TMEM132C: variants seen among roughly 807,000 people sequenced by gnomAD.
The protein encoded by TMEM132C is protein phosphatase 1, regulatory subunit 152.
TMEM132C carries 29 observed loss-of-function variants against 61.4 expected under a neutral mutation model. That is an observed-to-expected ratio of 0.47 (90% confidence interval 0.35 to 0.64). The LOEUF (loss-of-function observed/expected upper bound fraction) is 0.64, where lower values mean the gene tolerates loss of function less well. TMEM132C is among the 30% of genes least tolerant of loss of function. The probability of loss-of-function intolerance (pLI) is 0.00; values close to 1 mark genes in which losing one functional copy is unlikely to be tolerated. For synonymous variants in TMEM132C, 656 were observed against 633.1 expected (o/e 1.04, Z -0.54); for missense variants, 1,408 against 1,476.9 (o/e 0.95, Z 0.76).
chr12:128,675,730 G>A (rs1954576557), intron 5 of TMEM132C, among the ~76,000 whole-genome samples: 1 of 152,074 alleles, frequency 6.6e-6, no homozygotes, highest in Non-Finnish European at 1.5e-5. Context: ...GTGGACAGAT[G>A]GAGGAAGGGA....
At chr12:128,549,069 G>T (rs79879744) in intron 3 of TMEM132C, among the ~76,000 whole-genome samples, 4,425 of 152,212 alleles carry the variant, frequency 0.029, 255 homozygotes, top group African/African-American at 0.1. Flanking sequence ...GTAGGTCAAG[G>T]GCAGTCTGGA....
chr12:128,640,093 G>C (rs1175691225), intron 4 of TMEM132C, among the ~76,000 whole-genome samples: 1 of 152,182 alleles, frequency 6.6e-6, no homozygotes, highest in Non-Finnish European at 1.5e-5. Context: ...TTTGGATCAG[G>C]CGTGGGCTGG....
chr12:128,445,178 A>G (rs1593055749), intron 2 of TMEM132C, among the ~76,000 whole-genome samples: 2 of 132,140 alleles, frequency 1.5e-5, no homozygotes, highest in East Asian at 4.6e-4. Flanking sequence ...TTTTGCATAG[A>G]AAAAGTTAAA....
intron 1 of TMEM132C, among the ~76,000 whole-genome samples, chr12:128,305,323 G>A (rs1159508091): frequency 6.6e-6 from 1 of 152,094 alleles, no homozygotes; most frequent in Non-Finnish European, 1.5e-5. Flanking sequence ...TCTGAAGAGG[G>A]AGAGTTTTAT....
intron 1 of TMEM132C, among the ~76,000 whole-genome samples, chr12:128,409,311 C>A (rs1041269621): frequency 6.6e-6 from 1 of 152,172 alleles, no homozygotes; most frequent in Non-Finnish European, 1.5e-5. Flanking sequence ...CACTTTCCTA[C>A]CTTGGAGTTG....
chr12:128,312,547 G>A (rs1207927497), intron 1 of TMEM132C, among the ~76,000 whole-genome samples: 2 of 152,122 alleles, frequency 1.3e-5, no homozygotes, highest in Non-Finnish European at 2.9e-5. Flanking sequence ...GGAAGGGAGA[G>A]GGAGACTTGG....
chr12:128,608,784 C>T (rs1383331370), intron 3 of TMEM132C, among the ~76,000 whole-genome samples: 1 of 152,052 alleles, frequency 6.6e-6, no homozygotes, highest in Admixed American at 6.6e-5. Flanking sequence ...TTTAATTTCC[C>T]CACGTAATTA....
intron 2 of TMEM132C, among the ~76,000 whole-genome samples, chr12:128,478,744 AC>A (rs776034121): frequency 3.3e-5 from 5 of 152,172 alleles, no homozygotes; most frequent in Non-Finnish European, 5.9e-5. Context: ...CTATTTGCAC[AC>A]CAGATAGATG....
intron 2 of TMEM132C, among the ~76,000 whole-genome samples, chr12:128,538,856 T>TA (rs2136143189): frequency 6.6e-6 from 1 of 152,342 alleles, no homozygotes; most frequent in South Asian, 2.1e-4. Flanking sequence ...TTGTCTAGAT[T>TA]AATATTCAGT....
chr12:128,544,712 C>T (rs1035790235), intron 3 of TMEM132C, among the ~76,000 whole-genome samples: 5 of 152,176 alleles, frequency 3.3e-5, no homozygotes, highest in Non-Finnish European at 5.9e-5. Flanking sequence ...TGGTTCATTT[C>T]CTTCCAGGGT....
chr12:128,663,653 G>A (rs1954416771), intron 4 of TMEM132C, among the ~76,000 whole-genome samples: 3 of 152,152 alleles, frequency 2.0e-5, no homozygotes, highest in Admixed American at 2.0e-4. Context: ...TTTACTTCTG[G>A]AATGACTTCA....
chr12:128,555,583 T>G (rs534703171), intron 3 of TMEM132C, among the ~76,000 whole-genome samples: 34 of 152,220 alleles, frequency 2.2e-4, no homozygotes, highest in Non-Finnish European at 4.8e-4. Context: ...TGTGTGGGTC[T>G]CCATAAAATT....
chr12:128,626,540 G>A (rs1156510570), intron 4 of TMEM132C, among the ~76,000 whole-genome samples: 1 of 151,090 alleles, frequency 6.6e-6, no homozygotes, highest in Non-Finnish European at 1.5e-5. Context: ...TGCCTCCTGG[G>A]TTCAAGCGAT....
intron 2 of TMEM132C, among the ~76,000 whole-genome samples, chr12:128,435,900 C>T (rs1165667551): frequency 6.6e-6 from 1 of 152,216 alleles, no homozygotes; most frequent in African/African-American, 2.4e-5. Flanking sequence ...TCAAACTATA[C>T]TACAAGGCTA....
At chr12:128,495,928 C>T (rs1035343306) in intron 2 of TMEM132C, among the ~76,000 whole-genome samples, 16 of 152,216 alleles carry the variant, frequency 1.1e-4, no homozygotes, top group African/African-American at 3.9e-4. Context: ...TTCCTAGCCT[C>T]GATGGTCTTT....
At chr12:128,543,913 G>A (rs1359724749) in intron 2 of TMEM132C, 44 bp from the exon 3 acceptor site, 4 of 1,534,506 alleles carry the variant, frequency 2.6e-6, no homozygotes, top group South Asian at 2.5e-5. Context: ...GAAAGGCCAA[G>A]CCTTAACCCT....
intron 4 of TMEM132C, among the ~76,000 whole-genome samples, chr12:128,620,841 C>CCTAT (rs1953957236): frequency 6.6e-6 from 1 of 151,778 alleles, no homozygotes; most frequent in Non-Finnish European, 1.5e-5. Flanking sequence ...AGAACATGTT[C>CCTAT]CTATCTCTCT....
chr12:128,404,521 T>G (rs1303683347), intron 1 of TMEM132C: 1 of 152,204 alleles, frequency 6.6e-6, no homozygotes, highest in Non-Finnish European at 1.5e-5. Context: ...CTGGTCAACA[T>G]GTCTGAAAGT....
intron 4 of TMEM132C, among the ~76,000 whole-genome samples, chr12:128,622,664 G>GCT (rs1392139909): frequency 6.6e-6 from 1 of 151,902 alleles, no homozygotes; most frequent in East Asian, 1.9e-4. Context: ...GCTTCACTCT[G>GCT]CTCTGGGGTC....
Sources: gnomAD v4.1 joint callset for allele counts (sites outside exome capture counted in the v4.1 genomes callset) on GRCh38, gnomAD v4.1.1 for gene constraint, MANE v1.5 for transcripts, NCBI Gene and HGNC (gene_info 2026-07-23, HGNC 2026-07-21) for gene names.